C1orf94: variants seen among roughly 807,000 people sequenced by gnomAD.
C1orf94 encodes the protein chromosome 1 open reading frame 94, also known as uncharacterized protein C1orf94.
Under a neutral mutation model 53.6 loss-of-function variants are expected in C1orf94, and 45 were observed. The observed-to-expected ratio is 0.84, with a 90% CI of 0.66 to 1.08. The LOEUF is 1.08. Ranked by LOEUF, C1orf94 falls within the 50% of genes least tolerant of loss-of-function variation. C1orf94 has a pLI of 0.00. For synonymous variants in C1orf94, 304 were observed against 296.1 expected, an observed-to-expected ratio of 1.03 and a Z score of -0.27; for missense variants, 762 against 738.9, an observed-to-expected ratio of 1.03 and a Z score of -0.36.
At chr1:34,196,796 C>G (rs1642593693) in intron 1 of C1orf94, among the ~76,000 whole-genome samples, 1 of 152,166 alleles carries the variant, frequency 6.6e-6, no homozygotes, top group East Asian at 1.9e-4. Flanking sequence ...CAGGGCTCAG[C>G]CCCAGCACCC....
rs190718675 is a variant in C1orf94, at chr1:34,201,958, C to A, written c.1271-126C>A. The A allele has an allele frequency of 2.7e-3, 2,291 of 853,634 alleles. 8 individuals carry two copies. Among genetic ancestry groups the A allele is most frequent in the Non-Finnish European group, 3.4e-3 (1,870 of 551,914 alleles). 52.9% of individuals were successfully genotyped at this position (853,634 alleles called of 1,614,324 possible). ...GAAATGTACTAGAACTTTGAAGAAC[C>A]CTCTTGGAGCTTAAAGGACCTGACC... On this transcript the variant is annotated intron_variant, in intron 3 of 6. Coordinates refer to ENST00000488417, the MANE Select transcript of C1orf94 (RefSeq NM_001134734.2).
intron 1 of C1orf94, among the ~76,000 whole-genome samples, chr1:34,184,003 C>T (rs1487778063): frequency 6.6e-6 from 1 of 152,102 alleles, no homozygotes; most frequent in Non-Finnish European, 1.5e-5. Context: ...AGTAAGTGTT[C>T]TGGTGATGAA....
intron 5 of C1orf94, among the ~76,000 whole-genome samples, chr1:34,209,754 G>A (rs866024441): frequency 1.3e-5 from 2 of 152,186 alleles, no homozygotes; most frequent in Non-Finnish European, 2.9e-5. Flanking sequence ...TCTGGGATGA[G>A]AGATGATCTG....
chr1:34,198,626 G>T (rs1440095302), intron 2 of C1orf94, among the ~76,000 whole-genome samples: 2 of 152,256 alleles, frequency 1.3e-5, no homozygotes, highest in African/African-American at 4.8e-5. Context: ...GTCACTAAGA[G>T]AGTGATCATA....
intron 2 of C1orf94, among the ~76,000 whole-genome samples, chr1:34,199,029 G>A (rs975003845): frequency 7.3e-6 from 1 of 137,310 alleles, no homozygotes; most frequent in Non-Finnish European, 1.5e-5. Context: ...GTGCATGTCT[G>A]TGTGTACGAA....
intron 1 of C1orf94, among the ~76,000 whole-genome samples, chr1:34,184,487 C>T (rs889549240): frequency 6.6e-6 from 1 of 152,160 alleles, no homozygotes; most frequent in Admixed American, 6.5e-5. Flanking sequence ...GAGCATTATT[C>T]CAAGCCAGAC....
intron 4 of C1orf94, among the ~76,000 whole-genome samples, chr1:34,204,774 G>A (rs908227586): frequency 1.3e-5 from 2 of 152,018 alleles, no homozygotes; most frequent in African/African-American, 4.8e-5. Context: ...TGTGCCTGGA[G>A]TCCCAGCCTA....
chr1:34,179,489 G>C (rs1055378144), intron 1 of C1orf94, among the ~76,000 whole-genome samples: 6 of 152,248 alleles, frequency 3.9e-5, no homozygotes, highest in Non-Finnish European at 8.8e-5. Context: ...AGGTCACACA[G>C]AGTTAATGGA....
At chr1:34,175,761 G>A (rs1399941434), upstream of C1orf94, among the ~76,000 whole-genome samples, 1 of 152,038 alleles carries the variant, frequency 6.6e-6, no homozygotes, top group Non-Finnish European at 1.5e-5. Flanking sequence ...CCATTTTACA[G>A]AAAAGGAATT....
chr1:34,215,552 C>A (rs1371745903), intron 6 of C1orf94, among the ~76,000 whole-genome samples: 1 of 152,090 alleles, frequency 6.6e-6, no homozygotes, highest in Non-Finnish European at 1.5e-5. Context: ...GGCAGTGACC[C>A]TGGGAAAGGG....
At chr1:34,184,291 C>T (rs1166752284) in intron 1 of C1orf94, among the ~76,000 whole-genome samples, 4 of 152,104 alleles carry the variant, frequency 2.6e-5, no homozygotes, top group Non-Finnish European at 2.9e-5. Context: ...CAGCAGCAGG[C>T]GCAGGGAAAG....
rs76634012 is a variant in C1orf94, at chr1:34,187,028, C to T, written c.320+8919C>T. On this transcript the variant is annotated intron_variant, in intron 1 of 6. Coordinates refer to ENST00000488417, the MANE Select transcript of C1orf94 (RefSeq NM_001134734.2). Reference sequence around the variant, plus strand: ...CAGGATCGAAGCAAGGGGTCACGGTCATCAGAGGAAGCACAGAATATCAAT... The same window carrying T: ...CAGGATCGAAGCAAGGGGTCACGGTTATCAGAGGAAGCACAGAATATCAAT... 7.8e-3 allele frequency among the ~76,000 whole-genome samples: 1,189 copies of T among 152,262 alleles called. 16 individuals carry two copies. Among genetic ancestry groups the T allele is most frequent in the East Asian group, 0.067 (347 of 5,164 alleles).
At chr1:34,202,370 C>A in intron 4 of C1orf94, 111 bp downstream of exon 4, 1 of 1,205,980 alleles carries the variant, frequency 8.3e-7, no homozygotes, top group Non-Finnish European at 1.2e-6. Flanking sequence ...CCTCTGAATC[C>A]CTTCCCTACA....
intron 2 of C1orf94, among the ~76,000 whole-genome samples, chr1:34,198,915 C>A (rs1010313050): frequency 6.6e-6 from 1 of 152,186 alleles, no homozygotes; most frequent in Non-Finnish European, 1.5e-5. Context: ...GAGAGGAGAC[C>A]TTCCTCCTAC....
At chr1:34,208,054 T>G in intron 4 of C1orf94, 103 bp from the exon 5 acceptor site, 1 of 1,163,260 alleles carries the variant, frequency 8.6e-7, no homozygotes. Context: ...GTCAGCAATG[T>G]GATGGGACAA....
intron 4 of C1orf94, among the ~76,000 whole-genome samples, chr1:34,207,452 G>A (rs1157578764): frequency 2.0e-5 from 3 of 152,196 alleles, no homozygotes; most frequent in African/African-American, 7.2e-5. Context: ...TCCTTACTAT[G>A]TGCAGGGCAC....
intron 5 of C1orf94, among the ~76,000 whole-genome samples, chr1:34,209,489 A>G (rs960234573): frequency 6.6e-5 from 10 of 152,118 alleles, no homozygotes; most frequent in Admixed American, 1.3e-4. Flanking sequence ...AGAGGGCACC[A>G]ACACCCAGCC....
chr1:34,197,997 A>G lies in C1orf94; in HGVS notation c.1009+84A>G, dbSNP rs1642631361. The stretch of plus-strand genomic sequence containing the variant: ...AGCCAATCAGGGCTGCAGCATGTAC[A>G]TAAAGCATCTTCATGCAAAGCAAGA... On this transcript the variant is annotated intron_variant, in intron 2 of 6. Transcript: ENST00000488417. This position sits in a 1 kb window ranked among gnomAD's most constrained non-coding sequence, Gnocchi z 4.1. 3 of 1,352,932 alleles carry G rather than the reference A, an allele frequency of 2.2e-6. No homozygotes were observed. Among genetic ancestry groups the G allele is most frequent in the African/African-American group, 1.5e-5 (1 of 68,370 alleles). The allele number at this position is 1,352,932 out of a possible 1,614,324, so 83.8% of individuals were successfully genotyped here.
chr1:34,190,084 T>C (rs1642458614), intron 1 of C1orf94, among the ~76,000 whole-genome samples: 1 of 152,208 alleles, frequency 6.6e-6, no homozygotes, highest in South Asian at 2.1e-4. Context: ...TCTTTTAACC[T>C]TCCTGAGCCT....
Sources: gnomAD v4.1 joint callset for allele counts (sites outside exome capture counted in the v4.1 genomes callset) on GRCh38, gnomAD v4.1.1 for gene constraint, Gnocchi (gnomAD v3.1) non-coding constraint, MANE v1.5 for transcripts, NCBI Gene and HGNC (gene_info 2026-07-23, HGNC 2026-07-21) for gene names.